Variants in NECTIN3 observed in about 807,000 individuals in gnomAD.
The protein encoded by NECTIN3 is nectin-3.
In NECTIN3, 8 loss-of-function variants were observed where a neutral mutation model predicts 49.4. That is an observed-to-expected ratio of 0.16 (90% CI 0.10 to 0.29). The LOEUF is 0.29. Ranked by LOEUF, NECTIN3 falls within the 10% of genes least tolerant of loss-of-function variation. The pLI, the probability that NECTIN3 is intolerant of heterozygous loss-of-function variation, is 1.00. For missense variants in NECTIN3, 581 were observed against 654.6 expected (o/e 0.89, Z 1.23); for synonymous variants, 277 against 241.1 (o/e 1.15, Z -1.38).
intron 7 of NECTIN3, among the ~76,000 whole-genome samples, chr3:111,185,726 C>T (rs931844285): frequency 6.6e-6 from 1 of 152,064 alleles, no homozygotes; most frequent in African/African-American, 2.4e-5. Flanking sequence ...TTTCTATGAT[C>T]CAGTAATTCC....
intron 7 of NECTIN3, among the ~76,000 whole-genome samples, chr3:111,184,107 G>C (rs1417946602): frequency 1.3e-5 from 2 of 151,748 alleles, no homozygotes; most frequent in Non-Finnish European, 2.9e-5. Context: ...TTCTTCTTCA[G>C]TGTCTACTCT....
intron 2 of NECTIN3, among the ~76,000 whole-genome samples, chr3:111,118,270 ATATATATATATATT>A (rs2033787302): frequency 7.2e-6 from 1 of 139,156 alleles, no homozygotes; most frequent in East Asian, 2.1e-4. Flanking sequence ...ATATATATAT[ATATATATATATATT>A]ATACATATAT....
intron 7 of NECTIN3, among the ~76,000 whole-genome samples, chr3:111,165,684 C>T (rs947995965): frequency 6.6e-6 from 1 of 152,082 alleles, no homozygotes; most frequent in South Asian, 2.1e-4. Context: ...CTTAAAAAGC[C>T]GTCACAGATA....
chr3:111,160,990 G>A (rs2035202241), intron 7 of NECTIN3, among the ~76,000 whole-genome samples: 1 of 152,194 alleles, frequency 6.6e-6, no homozygotes, highest in Non-Finnish European at 1.5e-5. Flanking sequence ...CTGGACGACA[G>A]AACGAGACTC....
chr3:111,095,182 T>C (rs2032512589), intron 1 of NECTIN3, among the ~76,000 whole-genome samples: 1 of 152,302 alleles, frequency 6.6e-6, no homozygotes, highest in South Asian at 2.1e-4. Context: ...CTAGGAATAA[T>C]AACCAAGTTT....
intron 7 of NECTIN3, among the ~76,000 whole-genome samples, chr3:111,167,799 G>A (rs1019890932): frequency 1.1e-4 from 17 of 152,220 alleles, no homozygotes; most frequent in East Asian, 7.7e-4. Flanking sequence ...ATCAGTGTAC[G>A]TAACTTGTCA....
chr3:111,119,385 G>T (rs1041204259), intron 3 of NECTIN3, among the ~76,000 whole-genome samples: 9 of 152,236 alleles, frequency 5.9e-5, no homozygotes, highest in Non-Finnish European at 1.3e-4. Context: ...AGGCTGGAGT[G>T]TAGTGGCGTC....
At chr3:111,162,842 C>T (rs570473167) in intron 7 of NECTIN3, among the ~76,000 whole-genome samples, 1 of 152,328 alleles carries the variant, frequency 6.6e-6, no homozygotes, top group Admixed American at 6.5e-5. Flanking sequence ...CAACATCTGC[C>T]CGTAGCCTGG....
In NECTIN3 at chr3:111,179,035, A is replaced by G. The variant is rs117949283; in HGVS notation, c.1222-13316A>G. Among the ~76,000 whole-genome samples, 85 of 152,350 alleles carry G rather than the reference A, an allele frequency of 5.6e-4. 3 individuals are homozygous for G. In the East Asian group the frequency reaches 0.016, roughly 28 times the overall value. On this transcript the variant is annotated intron_variant, in intron 7 of 8. Coordinates refer to the NECTIN3 transcript ENST00000493615. ...AAACTTGGCTATATAGCTACCTGCT[A>G]TATGGATAAGGCAGGTAGTAAGGGA...
At chr3:111,117,976 C>T (rs2033760384) in intron 2 of NECTIN3, among the ~76,000 whole-genome samples, 2 of 151,706 alleles carry the variant, frequency 1.3e-5, no homozygotes, top group Admixed American at 1.3e-4. Flanking sequence ...TTAGGATGAG[C>T]TTAAAGTATA....
intron 1 of NECTIN3, among the ~76,000 whole-genome samples, chr3:111,090,563 C>T (rs2032203907): frequency 1.7e-5 from 1 of 58,112 alleles, no homozygotes; most frequent in African/African-American, 4.9e-5. Context: ...TGTGTGTTTG[C>T]TTGTTTGTGT....
intron 7 of NECTIN3, among the ~76,000 whole-genome samples, chr3:111,174,842 T>C (rs545365334): frequency 1.3e-5 from 2 of 152,256 alleles, no homozygotes; most frequent in African/African-American, 4.8e-5. Flanking sequence ...GTTAACCAGC[T>C]CAGTGGACCC....
intron 1 of NECTIN3, among the ~76,000 whole-genome samples, chr3:111,092,628 G>C (rs908174408): frequency 6.4e-4 from 41 of 63,692 alleles, no homozygotes; most frequent in African/African-American, 1.1e-3. Flanking sequence ...TCTGGACTCA[G>C]TACTGTTCTG....
At chr3:111,094,170 G>A (rs2032447610) in intron 1 of NECTIN3, among the ~76,000 whole-genome samples, 1 of 150,972 alleles carries the variant, frequency 6.6e-6, no homozygotes, top group South Asian at 2.1e-4. Flanking sequence ...TTCATACAAG[G>A]AAGGAAAAGA....
chr3:111,193,121 C>A (rs913142704), intron 1 of NECTIN3: 2 of 1,274,954 alleles, frequency 1.6e-6, no homozygotes, highest in African/African-American at 1.5e-5. Flanking sequence ...GTAGTGAATT[C>A]TATTCTTGCC....
At chr3:111,184,350 C>T (rs1000496389) in intron 7 of NECTIN3, among the ~76,000 whole-genome samples, 1 of 152,162 alleles carries the variant, frequency 6.6e-6, no homozygotes, top group African/African-American at 2.4e-5. Context: ...CATTGTAATA[C>T]TGTTGATCTA....
rs1357415605 is a variant in NECTIN3, at chr3:111,137,346, A to G, written c.*3131A>G. The G allele has an allele frequency of 1.0e-6, 1 of 971,768 alleles. No individual in the cohort carries two copies. Among genetic ancestry groups the G allele is most frequent in the East Asian group, 1.1e-4 (1 of 8,716 alleles). 60.2% of individuals were successfully genotyped at this position (971,768 alleles called of 1,614,324 possible). The stretch of plus-strand genomic sequence containing the variant: ...GTTAATTAGAAAATGCATCCTTCAT[A>G]AACAGCTCCTTTCTCAAATTTTTTG... On this transcript the variant is annotated 3_prime_UTR_variant, in exon 6 of 6. Coordinates refer to ENST00000485303, the MANE Select transcript of NECTIN3 (RefSeq NM_015480.3).
chr3:111,169,752 G>A (rs2035399466), intron 7 of NECTIN3, among the ~76,000 whole-genome samples: 1 of 152,118 alleles, frequency 6.6e-6, no homozygotes, highest in Non-Finnish European at 1.5e-5. Context: ...ATATTCAGCT[G>A]TAGTAATGAA....
At chr3:111,080,590 G>A (rs1488371315) in intron 1 of NECTIN3, among the ~76,000 whole-genome samples, 1 of 151,008 alleles carries the variant, frequency 6.6e-6, no homozygotes, top group Non-Finnish European at 1.5e-5. Context: ...CCTGACCTGT[G>A]TATGAGCTTT....
Sources: gnomAD v4.1 joint callset for allele counts (sites outside exome capture counted in the v4.1 genomes callset) on GRCh38, gnomAD v4.1.1 for gene constraint, MANE v1.5 for transcripts, NCBI Gene and HGNC (gene_info 2026-07-23, HGNC 2026-07-21) for gene names.